DERPC: variants seen among roughly 807,000 people sequenced by gnomAD.
The protein encoded by DERPC is decreased expression in renal and prostate cancer protein.
A neutral mutation model predicts 7.2 loss-of-function variants in DERPC; 1 was observed. The observed-to-expected ratio is 0.14, with a 90% CI of 0.05 to 0.66. The LOEUF (loss-of-function observed/expected upper bound fraction) is 0.66, where lower values mean the gene tolerates loss of function less well. Ranked by LOEUF, DERPC falls within the 30% of genes least tolerant of loss-of-function variation. DERPC has a pLI of 0.84. For synonymous variants in DERPC, 185 were observed against 117.6 expected (o/e 1.57, Z -3.71); for missense variants, 502 against 299.4 (o/e 1.68, Z -4.99).
intron 1 of DERPC, among the ~76,000 whole-genome samples, chr16:69,127,169 C>T (rs1243573513): frequency 1.3e-5 from 2 of 150,852 alleles, no homozygotes; most frequent in East Asian, 2.0e-4. Flanking sequence ...ACCTGGGAGG[C>T]GGAGGCTGCA....
chr16:69,130,004 G>A (rs1368364995), intron 1 of DERPC, among the ~76,000 whole-genome samples: 1 of 152,220 alleles, frequency 6.6e-6, no homozygotes, highest in Non-Finnish European at 1.5e-5. Flanking sequence ...GAATGTGAAA[G>A]TCAAGAGAAT....
At chr16:69,127,817 C>A (rs1742203234) in intron 1 of DERPC, among the ~76,000 whole-genome samples, 1 of 151,888 alleles carries the variant, frequency 6.6e-6, no homozygotes, top group South Asian at 2.1e-4. Flanking sequence ...ACCATCTTGG[C>A]CAGGCTAGTC....
At chr16:69,128,791 C>A (rs1367564620) in intron 1 of DERPC, among the ~76,000 whole-genome samples, 1 of 152,156 alleles carries the variant, frequency 6.6e-6, no homozygotes, top group African/African-American at 2.4e-5. Flanking sequence ...ACCCGCCAGG[C>A]ACGGTGGCTC....
In DERPC at chr16:69,120,158, G is replaced by A. The variant is rs1280716508; in HGVS notation, c.271C>T (p.Arg91Cys). The A allele has an allele frequency of 8.6e-6, 6 of 701,342 alleles. No homozygotes were observed. Among genetic ancestry groups the A allele is most frequent in the Admixed American group, 2.0e-5 (1 of 50,008 alleles). 43.4% of individuals were successfully genotyped at this position (701,342 alleles called of 1,614,324 possible). A position where few individuals can be genotyped will look rare whatever the true frequency, so the allele number is the denominator to read the frequency against. ...SNPAPFPAGA[R>C]DPSMASFPRG... ...GGAAAAGAAGCCATACTTGGGTCACGAGCACCAGCCGGGAAAGGTGCTGGA... is the reference window on the plus strand; with the variant it reads ...GGAAAAGAAGCCATACTTGGGTCACAAGCACCAGCCGGGAAAGGTGCTGGA... Residue 91 changes from arginine (R) to cysteine (C), a missense_variant, in exon 3 of 3, where the codon CGT becomes TGT. Coordinates refer to ENST00000519520, the MANE Select transcript of DERPC (RefSeq NM_001002847.4). The surrounding 1 kb of genome is among the most constrained non-coding windows in gnomAD (Gnocchi z 4.0).
rs940680793 is a variant in DERPC, at chr16:69,132,551, T to TCGC, written c.-350_-348dup. 6.6e-5 allele frequency: 24 copies of TCGC among 364,544 alleles called. No homozygotes were observed. Among genetic ancestry groups the TCGC allele is most frequent in the Middle Eastern group, 6.2e-4 (1 of 1,620 alleles). 22.6% of individuals were successfully genotyped at this position (364,544 alleles called of 1,614,324 possible). On this transcript the variant is annotated 5_prime_UTR_variant, in exon 1 of 3. Coordinates refer to ENST00000519520, the MANE Select transcript of DERPC (RefSeq NM_001002847.4). ...GCGACAACCGAACCTCCCGCCGCCGTCGCCGCCGCCGCGAGCACTGCCTGC... is the reference window on the plus strand; with the variant it reads ...GCGACAACCGAACCTCCCGCCGCCGTCGCCGCCGCCGCCGCGAGCACTGCCTGC...
rs542535095 is a variant in DERPC at position 69,125,066 on chromosome 16, G to A, written c.-279-3573C>T. Among the ~76,000 whole-genome samples the A allele has an allele frequency of 6.6e-5, 10 of 152,028 alleles. No individual in the cohort carries two copies. In the East Asian group the frequency reaches 7.7e-4, roughly 12 times the overall value. On this transcript the variant is annotated intron_variant, in intron 1 of 2. Coordinates refer to ENST00000519520, the MANE Select transcript of DERPC (RefSeq NM_001002847.4). ...ATTATAGGCATGTGCCACCATGCCC[G>A]GCTAATTTTGTATTTTTAATAGAGA...
chr16:69,120,047 T>G lies in DERPC; in HGVS notation c.382A>C (p.Thr128Pro). The G allele has an allele frequency of 1.5e-6, 1 of 688,810 alleles. No homozygotes were observed. Among genetic ancestry groups the G allele is most frequent in the South Asian group, 1.5e-5 (1 of 66,366 alleles). The allele number at this position is 688,810 out of a possible 1,614,324, so 42.7% of individuals were successfully genotyped here. ...LLGPGPGPGP[T>P]LNPRTGALPG... ...AGAGCCCCTGTCCTAGGGTTTAGGG[T>G]GGGGCCTGGGCCTGGGCCTGGCCCC... Residue 128 changes from threonine (T) to proline (P), a missense_variant, in exon 3 of 3, where the codon ACC becomes CCC. By Grantham distance (38) the Thr-to-Pro change is conservative. Coordinates refer to ENST00000519520, the MANE Select transcript of DERPC (RefSeq NM_001002847.4). This position sits in a 1 kb window ranked among gnomAD's most constrained non-coding sequence, Gnocchi z 4.0.
At chr16:69,132,003 C>G (rs1339629026) in intron 1 of DERPC, 1 of 153,018 alleles carries the variant, frequency 6.5e-6, no homozygotes, top group Non-Finnish European at 1.5e-5. Context: ...CCCGCTACTT[C>G]CTAGGTTCCA....
intron 1 of DERPC, among the ~76,000 whole-genome samples, chr16:69,129,524 G>T (rs929016189): frequency 2.6e-5 from 4 of 151,070 alleles, no homozygotes; most frequent in Non-Finnish European, 5.9e-5. Context: ...AGCTAGCCTC[G>T]TTCACTTATC....
In DERPC at chr16:69,119,610, G is replaced by A. The variant is rs748300698; in HGVS notation, c.819C>T (p.Leu273=). The A allele has an allele frequency of 1.3e-5, 9 of 695,390 alleles. No individual in the cohort carries two copies. Among genetic ancestry groups the A allele is most frequent in the Non-Finnish European group, 2.4e-5 (9 of 380,652 alleles). 43.1% of individuals were successfully genotyped at this position (695,390 alleles called of 1,614,324 possible). Residue 273 remains leucine (L), a synonymous_variant, in exon 3 of 3, where the codon CTC becomes CTT. Coordinates refer to ENST00000519520, the MANE Select transcript of DERPC (RefSeq NM_001002847.4). ...LNLRMAGPQG[L]DLAPILRAAG... ...CTGCTCTTAGAATGGGGGCAAGATC[G>A]AGGCCTTGAGGTCCAGCCATTCTTA...
intron 1 of DERPC, among the ~76,000 whole-genome samples, chr16:69,131,786 T>C (rs1962543116): frequency 6.6e-6 from 1 of 151,558 alleles, no homozygotes; most frequent in Non-Finnish European, 1.5e-5. Flanking sequence ...GTTCTCCAAA[T>C]TGTTCCCGGT....
intron 1 of DERPC, among the ~76,000 whole-genome samples, chr16:69,129,159 G>C (rs560075177): frequency 6.6e-6 from 1 of 151,862 alleles, no homozygotes; most frequent in African/African-American, 2.4e-5. Flanking sequence ...GGCCGGGTGC[G>C]GTGGCTCACA....
Position 69,118,944 on chromosome 16 carries a change from C to T in DERPC, c.1485G>A (p.Val495=). The T allele has an allele frequency of 1.4e-6, 1 of 703,028 alleles. No individual in the cohort carries two copies. The highest frequency in any genetic ancestry group is 1.7e-5 in the African/African-American group (1 of 57,384). 43.5% of individuals were successfully genotyped at this position (703,028 alleles called of 1,614,324 possible). ...CTGGGTTTGTGCCAGGGAGGCTCCC[C>T]ACTCTAGGAAATGGGACGAAACTCT... ...AGKSFVPFPR[V]GSLPGTNPAA... The change falls in exon 3 of 3, where the codon GTG becomes GTA. Residue 495 remains valine, a synonymous_variant. Coordinates refer to ENST00000519520, the MANE Select transcript of DERPC (RefSeq NM_001002847.4).
chr16:69,126,928 A>G (rs1447050062), intron 1 of DERPC, among the ~76,000 whole-genome samples: 2 of 152,114 alleles, frequency 1.3e-5, no homozygotes, highest in African/African-American at 2.4e-5. Context: ...GGGAGTATAT[A>G]TTTCATTCAG....
intron 1 of DERPC, among the ~76,000 whole-genome samples, chr16:69,131,028 T>C (rs566554716): frequency 1.3e-5 from 2 of 152,260 alleles, no homozygotes; most frequent in South Asian, 4.2e-4. Flanking sequence ...ATTTGTAGTG[T>C]TATCGTGGTT....
Position 69,120,473 on chromosome 16 carries a change from G to C in DERPC, c.-45C>G, listed in dbSNP as rs780878878. On this transcript the variant is annotated 5_prime_UTR_variant, in exon 3 of 3. Transcript: ENST00000519520. This position sits in a 1 kb window ranked among gnomAD's most constrained non-coding sequence, Gnocchi z 4.0. ...TGATAATGGGCTTGGGGCGGGTTTTGAAAAGGATCTTGTCTTTGATGAGTG... is the reference window on the plus strand; with the variant it reads ...TGATAATGGGCTTGGGGCGGGTTTTCAAAAGGATCTTGTCTTTGATGAGTG... The C allele has an allele frequency of 6.2e-7, 1 of 1,614,146 alleles. No homozygotes were observed. Among genetic ancestry groups the C allele is most frequent in the Admixed American group, 1.7e-5 (1 of 60,028 alleles).
In DERPC at chr16:69,119,175, G is replaced by T. The variant is rs781204014; in HGVS notation, c.1254C>A (p.Gly418=). The change falls in exon 3 of 3, where the codon GGC becomes GGA. Residue 418 remains glycine (G), a synonymous_variant. Coordinates refer to ENST00000519520, the MANE Select transcript of DERPC (RefSeq NM_001002847.4). The stretch of plus-strand genomic sequence containing the variant: ...AGGTAGTTGGACTTGGACCCTGCAG[G>T]CCAGTGGCCCTTGGGAAGTTAGCTG... ...PNPANFPRAT[G]LQGPSPTTFP... The T allele has an allele frequency of 3.4e-5, 24 of 702,924 alleles. 1 individual carries two copies. In the Admixed American group the frequency reaches 4.4e-4, roughly 13 times the overall value. 43.5% of individuals were successfully genotyped at this position (702,924 alleles called of 1,614,324 possible).
chr16:69,125,325 A>G (rs1961979222), intron 1 of DERPC, among the ~76,000 whole-genome samples: 1 of 152,218 alleles, frequency 6.6e-6, no homozygotes, highest in Non-Finnish European at 1.5e-5. Flanking sequence ...TCACAAGTCT[A>G]TGATATAGGT....
In DERPC at chr16:69,132,541, CCCGCCGCCGTCG is replaced by C. The variant is rs1962635401; in HGVS notation, c.-349_-338del. 1 of 357,408 alleles carries C rather than the reference CCCGCCGCCGTCG, an allele frequency of 2.8e-6. No homozygotes were observed. The highest frequency in any genetic ancestry group is 5.5e-6 in the Non-Finnish European group (1 of 182,402). The allele number at this position is 357,408 out of a possible 1,614,324, so 22.1% of individuals were successfully genotyped here. On this transcript the variant is annotated 5_prime_UTR_variant, in exon 1 of 3. Coordinates refer to ENST00000519520, the MANE Select transcript of DERPC (RefSeq NM_001002847.4). ...CGGCCAACGGGCGACAACCGAACCT[CCCGCCGCCGTCG>C]CCGCCGCCGCGAGCACTGCCTGCGC...
Sources: allele counts gnomAD v4.1 joint callset (sites outside exome capture counted in the v4.1 genomes callset), GRCh38; gene constraint gnomAD v4.1.1; non-coding constraint Gnocchi (gnomAD v3.1); transcripts MANE v1.5; gene names NCBI Gene and HGNC (gene_info 2026-07-23, HGNC 2026-07-21).